ZNF804B: variants seen among roughly 807,000 people sequenced by gnomAD.
The protein encoded by ZNF804B is zinc finger 804B.
Under a neutral mutation model 101.4 loss-of-function variants are expected in ZNF804B, and 80 were observed. The ratio of observed to expected loss-of-function variants is 0.79; its 90% CI spans 0.66 to 0.95. ZNF804B has a LOEUF of 0.95. ZNF804B is among the 40% of genes least tolerant of loss of function. ZNF804B has a pLI of 0.00. For missense variants in ZNF804B, 1,673 were observed against 1,561.9 expected (o/e 1.07, Z -1.20); for synonymous variants, 622 against 558.8 (o/e 1.11, Z -1.59).
intron 1 of ZNF804B, among the ~76,000 whole-genome samples, chr7:89,020,720 C>T (rs1050223653): frequency 2.0e-5 from 3 of 152,064 alleles, no homozygotes; most frequent in African/African-American, 4.8e-5. Flanking sequence ...TTAATGGTGT[C>T]CCATAAATCC....
chr7:89,005,400 A>G (rs759857289), intron 1 of ZNF804B, among the ~76,000 whole-genome samples: 9 of 151,986 alleles, frequency 5.9e-5, no homozygotes, highest in Non-Finnish European at 1.5e-5. Flanking sequence ...GCAGAATCAC[A>G]AGGTCAAGGT....
At chr7:89,016,468 T>C (rs1224614259) in intron 1 of ZNF804B, among the ~76,000 whole-genome samples, 1 of 151,834 alleles carries the variant, frequency 6.6e-6, no homozygotes, top group Non-Finnish European at 1.5e-5. Context: ...TTTATGGTTT[T>C]AGGTCTAACG....
chr7:89,154,338 C>A (rs577564155), intron 1 of ZNF804B, among the ~76,000 whole-genome samples: 4 of 152,218 alleles, frequency 2.6e-5, no homozygotes, highest in East Asian at 1.9e-4. Flanking sequence ...CCTCAAAAAA[C>A]CAAAATTAGA....
In ZNF804B at chr7:89,326,171, T is replaced by C. The variant is rs111961378; in HGVS notation, c.250-1173T>C. Among the ~76,000 whole-genome samples, 540 of 152,162 alleles carry C rather than the reference T, an allele frequency of 3.5e-3. 5 individuals carry two copies. Among genetic ancestry groups the C allele is most frequent in the African/African-American group, 0.012 (518 of 41,544 alleles). On this transcript the variant is annotated intron_variant, in intron 2 of 3. Coordinates refer to ENST00000333190, the MANE Select transcript of ZNF804B (RefSeq NM_181646.5). The stretch of plus-strand genomic sequence containing the variant: ...AAGGATTTGAATTATTTGTCAAAAA[T>C]TGAATTCAGGTTGAGTCCACTGTTC...
chr7:89,014,645 C>A (rs1172691921), intron 1 of ZNF804B, among the ~76,000 whole-genome samples: 2 of 152,106 alleles, frequency 1.3e-5, no homozygotes, highest in Non-Finnish European at 2.9e-5. Context: ...TATTTCTTGG[C>A]CATTTGTATG....
intron 1 of ZNF804B, among the ~76,000 whole-genome samples, chr7:88,971,224 T>A (rs1475685579): frequency 6.6e-6 from 1 of 151,552 alleles, no homozygotes; most frequent in Admixed American, 6.6e-5. Flanking sequence ...TTTTGACCGT[T>A]TGGTCAATGA....
rs77033945 is a variant in ZNF804B, at chr7:88,860,217, A to C, written c.108+100133A>C. On this transcript the variant is annotated intron_variant, in intron 1 of 3. Coordinates refer to ENST00000333190, the MANE Select transcript of ZNF804B (RefSeq NM_181646.5). Reference sequence around the variant, plus strand: ...TACAATATAAAATATTGTAGAGGGCAATAGTATATTCAAAACCTTTTTCTT... The same window carrying C: ...TACAATATAAAATATTGTAGAGGGCCATAGTATATTCAAAACCTTTTTCTT... Among the ~76,000 whole-genome samples the C allele has an allele frequency of 2.3e-3, 355 of 152,218 alleles. 2 individuals carry two copies. Among genetic ancestry groups the C allele is most frequent in the African/African-American group, 8.2e-3 (340 of 41,582 alleles).
chr7:88,939,126 T>C (rs1332870742), intron 1 of ZNF804B, among the ~76,000 whole-genome samples: 2 of 152,030 alleles, frequency 1.3e-5, no homozygotes, highest in Non-Finnish European at 2.9e-5. Context: ...GTACAGTTGT[T>C]CCTTGGTATC....
chr7:89,027,467 A>G (rs191852651), intron 1 of ZNF804B, among the ~76,000 whole-genome samples: 3 of 152,322 alleles, frequency 2.0e-5, no homozygotes, highest in Admixed American at 2.0e-4. Flanking sequence ...CAGAAAAACA[A>G]TAACCTTAGA....
chr7:88,943,338 C>T (rs1793081404), intron 1 of ZNF804B, among the ~76,000 whole-genome samples: 1 of 151,822 alleles, frequency 6.6e-6, no homozygotes, highest in Non-Finnish European at 1.5e-5. Flanking sequence ...GTATGATTAC[C>T]AGCATAGGTA....
intron 1 of ZNF804B, among the ~76,000 whole-genome samples, chr7:89,205,341 AG>A (rs1229316616): frequency 6.6e-6 from 1 of 152,112 alleles, no homozygotes; most frequent in Non-Finnish European, 1.5e-5. Flanking sequence ...TGCCCCTCAA[AG>A]TCTTAACTCA....
rs73705579 is a variant in ZNF804B at position 88,896,610 on chromosome 7, C to T, written c.108+136526C>T. On this transcript the variant is annotated intron_variant, in intron 1 of 3. Transcript: ENST00000333190. ...TGCCAATTATTTATAAAGTAACAGT[C>T]GCCTAAAGAATACGTGATACAGAAA... Among the ~76,000 whole-genome samples, 890 of 152,034 alleles carry T rather than the reference C, an allele frequency of 5.9e-3. 7 individuals are homozygous for T. The highest frequency in any genetic ancestry group is 0.019 in the African/African-American group (806 of 41,480).
chr7:89,211,039 C>A (rs951500138), intron 1 of ZNF804B, among the ~76,000 whole-genome samples: 2 of 152,202 alleles, frequency 1.3e-5, no homozygotes, highest in African/African-American at 2.4e-5. Flanking sequence ...TCCATTCTGA[C>A]TGGTGAGAGA....
chr7:89,154,057 C>A (rs1234358706), intron 1 of ZNF804B, among the ~76,000 whole-genome samples: 1 of 151,598 alleles, frequency 6.6e-6, no homozygotes, highest in Non-Finnish European at 1.5e-5. Context: ...ATAATCCAAT[C>A]AAAAAATGGG....
intron 1 of ZNF804B, among the ~76,000 whole-genome samples, chr7:89,034,432 G>C (rs1483676008): frequency 6.6e-6 from 1 of 151,748 alleles, no homozygotes; most frequent in Non-Finnish European, 1.5e-5. Context: ...CCTGGTGTGT[G>C]ATGTTCCCCT....
At chr7:88,926,901 A>T (rs1343080570) in intron 1 of ZNF804B, among the ~76,000 whole-genome samples, 1 of 143,976 alleles carries the variant, frequency 6.9e-6, no homozygotes, top group African/African-American at 2.6e-5. Context: ...ATTTTAAAAT[A>T]AATTATAGAC....
chr7:89,127,271 A>G (rs974675321), intron 1 of ZNF804B, among the ~76,000 whole-genome samples: 2 of 151,990 alleles, frequency 1.3e-5, no homozygotes, highest in Non-Finnish European at 2.9e-5. Flanking sequence ...GAATACAAAA[A>G]GAATTGAGAT....
intron 1 of ZNF804B, among the ~76,000 whole-genome samples, chr7:89,060,786 C>T (rs1291347633): frequency 9.9e-5 from 15 of 152,118 alleles, no homozygotes; most frequent in Non-Finnish European, 4.4e-5. Flanking sequence ...TGAGTTAACA[C>T]AATGTTGACT....
At chr7:89,210,337 A>G (rs573367785) in intron 1 of ZNF804B, among the ~76,000 whole-genome samples, 2 of 152,144 alleles carry the variant, frequency 1.3e-5, no homozygotes, top group Admixed American at 6.6e-5. Context: ...TGCTAGCTTT[A>G]TTTTTATTTT....
Sources: allele counts gnomAD v4.1 joint callset (sites outside exome capture counted in the v4.1 genomes callset), GRCh38; gene constraint gnomAD v4.1.1; transcripts MANE v1.5; gene names NCBI Gene and HGNC (gene_info 2026-07-23, HGNC 2026-07-21).